The following TMEM229B variants were observed in gnomAD, a reference collection of about 807,000 sequenced individuals.
TMEM229B encodes the protein chromosome 14 open reading frame 83.
In TMEM229B, 6 loss-of-function variants were observed where a neutral mutation model predicts 13.7. The observed-to-expected ratio is 0.44, with a 90% CI of 0.24 to 0.86. TMEM229B has a LOEUF of 0.86. TMEM229B is among the 40% of genes least tolerant of loss of function. The pLI, the probability that TMEM229B is intolerant of heterozygous loss-of-function variation, is 0.23. For missense variants in TMEM229B, 170 were observed against 236.0 expected (o/e 0.72, Z 1.83); for synonymous variants, 107 against 102.1 (o/e 1.05, Z -0.29).
At chr14:67,481,089 G>A (rs8007004) in intron 2 of TMEM229B, among the ~76,000 whole-genome samples, 71,940 of 151,898 alleles carry the variant, frequency 0.47, 20,429 homozygotes, top group Non-Finnish European at 0.63. Flanking sequence ...CCAGGAGTTC[G>A]AGACCAGCCT....
At chr14:67,509,772 T>C (rs10139789) in intron 1 of TMEM229B, among the ~76,000 whole-genome samples, 1,743 of 152,272 alleles carry the variant, frequency 0.011, 45 homozygotes, top group African/African-American at 0.04. Flanking sequence ...TTTGGGAGGC[T>C]GAGGCAGGAG....
intron 1 of TMEM229B, among the ~76,000 whole-genome samples, chr14:67,528,474 T>A (rs1436494382): frequency 6.6e-6 from 1 of 152,068 alleles, no homozygotes; most frequent in Non-Finnish European, 1.5e-5. Flanking sequence ...CTCCCCCAAT[T>A]GATGTGAGCA....
chr14:67,512,076 A>G (rs1043655117), intron 1 of TMEM229B, among the ~76,000 whole-genome samples: 6 of 152,212 alleles, frequency 3.9e-5, no homozygotes, highest in African/African-American at 1.4e-4. Context: ...GTGCATCTTT[A>G]TCTTATAGCA....
intron 2 of TMEM229B, 121 bp from the exon 3 acceptor site, chr14:67,474,062 G>T: frequency 8.8e-7 from 1 of 1,136,688 alleles, no homozygotes; most frequent in Non-Finnish European, 1.2e-6. Flanking sequence ...AACCAGCCTG[G>T]CCATCATGGT....
At chr14:67,531,681 G>A (rs1053557801) in intron 1 of TMEM229B, among the ~76,000 whole-genome samples, 1 of 150,262 alleles carries the variant, frequency 6.7e-6, no homozygotes. Context: ...TTGGGAGGCC[G>A]AGGCAGGAGG....
upstream of TMEM229B, among the ~76,000 whole-genome samples, chr14:67,520,269 T>C (rs1329883309): frequency 6.6e-6 from 1 of 152,224 alleles, no homozygotes; most frequent in Non-Finnish European, 1.5e-5. Flanking sequence ...TATATTGACA[T>C]GTATCCACCA....
At chr14:67,496,661 CTCTT>C (rs1286653830) in intron 1 of TMEM229B, among the ~76,000 whole-genome samples, 8 of 150,946 alleles carry the variant, frequency 5.3e-5, no homozygotes, top group East Asian at 2.0e-4. Context: ...CTCTCTCTCT[CTCTT>C]TCTTTCCTTC....
chr14:67,504,487 C>T (rs1396866598), intron 1 of TMEM229B, among the ~76,000 whole-genome samples: 4 of 152,058 alleles, frequency 2.6e-5, no homozygotes, highest in African/African-American at 7.2e-5. Context: ...TATATATGTA[C>T]TGTAGCCTTG....
chr14:67,523,440 T>A (rs911538490), intron 1 of TMEM229B, among the ~76,000 whole-genome samples: 2 of 152,212 alleles, frequency 1.3e-5, no homozygotes, highest in African/African-American at 4.8e-5. Context: ...TGCCATGCAC[T>A]GTGCTAAGGA....
chr14:67,497,071 C>G (rs2032419529), intron 1 of TMEM229B, among the ~76,000 whole-genome samples: 1 of 151,752 alleles, frequency 6.6e-6, no homozygotes, highest in African/African-American at 2.4e-5. Context: ...GGATTACAGG[C>G]CTGAGCCACC....
rs192065946 is a variant in TMEM229B at position 67,514,114 on chromosome 14, G to T, written c.-192+972C>A. Among the ~76,000 whole-genome samples, 95 of 152,264 alleles carry T rather than the reference G, an allele frequency of 6.2e-4. No individual in the cohort carries two copies. In the East Asian group the frequency reaches 0.017, roughly 27 times the overall value. On this transcript the variant is annotated intron_variant, in intron 1 of 2. Transcript: ENST00000357461. ...AGAATTGGTGAGCAGAGCCCCCAAG[G>T]TTACACCAGCAGAAAGCTGCCTGGG...
At chr14:67,504,821 G>T (rs1434047850) in intron 1 of TMEM229B, among the ~76,000 whole-genome samples, 2 of 152,142 alleles carry the variant, frequency 1.3e-5, no homozygotes, top group Non-Finnish European at 2.9e-5. Flanking sequence ...AGAGGCAGAG[G>T]TTGCAGGTGA....
At chr14:67,500,426 G>A (rs964496303) in intron 1 of TMEM229B, among the ~76,000 whole-genome samples, 2 of 152,016 alleles carry the variant, frequency 1.3e-5, no homozygotes, top group Non-Finnish European at 2.9e-5. Flanking sequence ...GGTGAGCTGA[G>A]CTCTCACCAT....
At chr14:67,478,423 G>A (rs1020848115) in intron 2 of TMEM229B, among the ~76,000 whole-genome samples, 4 of 152,176 alleles carry the variant, frequency 2.6e-5, no homozygotes, top group Non-Finnish European at 5.9e-5. Context: ...TCTGGTTCAC[G>A]CCCTCATCAT....
At chr14:67,515,404 C>T (rs997992314) in exon 1 of TMEM229B, 39 of 175,896 alleles carry the variant, frequency 2.2e-4, no homozygotes, top group Admixed American at 2.0e-4. Flanking sequence ...AGGAAAGGAG[C>T]CCCCGGCGGC....
At chr14:67,527,843 T>C (rs2033390931) in intron 1 of TMEM229B, among the ~76,000 whole-genome samples, 1 of 152,234 alleles carries the variant, frequency 6.6e-6, no homozygotes. Context: ...AAGAACTCAC[T>C]CACAGCTCTG....
chr14:67,517,267 G>A (rs774147044), upstream of TMEM229B, among the ~76,000 whole-genome samples: 5 of 152,204 alleles, frequency 3.3e-5, no homozygotes, highest in Admixed American at 6.5e-5. Flanking sequence ...TGTGGCCGGC[G>A]GCTGGCAGCT....
intron 1 of TMEM229B, among the ~76,000 whole-genome samples, chr14:67,497,839 T>C (rs1393243721): frequency 6.6e-6 from 1 of 152,092 alleles, no homozygotes; most frequent in East Asian, 1.9e-4. Context: ...GGTGTTTGTG[T>C]ATGTTACATT....
At chr14:67,508,625 A>C (rs2032914198) in intron 1 of TMEM229B, among the ~76,000 whole-genome samples, 1 of 151,862 alleles carries the variant, frequency 6.6e-6, no homozygotes, top group Non-Finnish European at 1.5e-5. Context: ...CTGCACCTGT[A>C]GTCCCAGCTA....
Sources: allele counts gnomAD v4.1 joint callset (sites outside exome capture counted in the v4.1 genomes callset), GRCh38; gene constraint gnomAD v4.1.1; transcripts MANE v1.5; gene names NCBI Gene and HGNC (gene_info 2026-07-23, HGNC 2026-07-21).